PALLD: variants seen among roughly 807,000 people sequenced by gnomAD.
The protein encoded by PALLD is palladin.
A neutral mutation model predicts 123.5 loss-of-function variants in PALLD; 61 were observed. The ratio of observed to expected loss-of-function variants is 0.49; its 90% CI spans 0.40 to 0.61. The LOEUF is 0.61. Ranked by LOEUF, PALLD falls within the 20% of genes least tolerant of loss-of-function variation. The pLI is 0.00. For synonymous variants in PALLD, 465 were observed against 496.4 expected (o/e 0.94, Z 0.84); for missense variants, 1,273 against 1,377.0 (o/e 0.92, Z 1.20).
chr4:168,726,921 A>G (rs1206578601), intron 10 of PALLD, among the ~76,000 whole-genome samples: 1 of 151,916 alleles, frequency 6.6e-6, no homozygotes, highest in East Asian at 1.9e-4. Context: ...TGTCATTTCT[A>G]CGTTTATGTC....
chr4:168,513,975 G>A (rs1412382537), intron 2 of PALLD, among the ~76,000 whole-genome samples: 4 of 151,974 alleles, frequency 2.6e-5, no homozygotes, highest in Admixed American at 1.3e-4. Flanking sequence ...GCATGGAGGC[G>A]AGTGCCTGTA....
chr4:168,800,151 A>G (rs1341407762), intron 10 of PALLD, among the ~76,000 whole-genome samples: 1 of 152,190 alleles, frequency 6.6e-6, no homozygotes, highest in Non-Finnish European at 1.5e-5. Context: ...GCTAACTTTT[A>G]TGCTTCTGTT....
chr4:168,849,614 C>T (rs529957060), intron 10 of PALLD, among the ~76,000 whole-genome samples: 1 of 152,306 alleles, frequency 6.6e-6, no homozygotes, highest in African/African-American at 2.4e-5. Flanking sequence ...TTAATATTCA[C>T]GTTTTATCAT....
intron 2 of PALLD, among the ~76,000 whole-genome samples, chr4:168,622,851 G>A (rs771354622): frequency 1.3e-5 from 2 of 152,204 alleles, no homozygotes; most frequent in African/African-American, 2.4e-5. Context: ...CCAGTCACCC[G>A]TGCCTTGGGG....
intron 2 of PALLD, among the ~76,000 whole-genome samples, chr4:168,644,400 T>C (rs1402093345): frequency 6.6e-6 from 1 of 152,176 alleles, no homozygotes; most frequent in South Asian, 2.1e-4. Context: ...GATGTTGATA[T>C]CTTTCAAACA....
intron 10 of PALLD, among the ~76,000 whole-genome samples, chr4:168,816,393 A>G (rs945753726): frequency 8.1e-4 from 113 of 138,868 alleles, no homozygotes; most frequent in African/African-American, 2.9e-3. Flanking sequence ...ATGTGTGTAT[A>G]TATATATATA....
At chr4:168,553,192 T>C (rs1766923654) in intron 2 of PALLD, among the ~76,000 whole-genome samples, 1 of 152,104 alleles carries the variant, frequency 6.6e-6, no homozygotes, top group South Asian at 2.1e-4. Context: ...CCCATCTAAT[T>C]GAAAACCTAT....
chr4:168,916,703 A>G (rs1760185322), intron 17 of PALLD, among the ~76,000 whole-genome samples: 1 of 127,000 alleles, frequency 7.9e-6, no homozygotes, highest in African/African-American at 2.9e-5. Flanking sequence ...TTTTTTTGAG[A>G]CAGAGTCTCA....
intron 15 of PALLD, among the ~76,000 whole-genome samples, chr4:168,912,921 T>C (rs35509502): frequency 1.3e-5 from 2 of 152,130 alleles, no homozygotes; most frequent in Non-Finnish European, 2.9e-5. Flanking sequence ...GAACAAAATA[T>C]AGGTTTTTTT....
Position 168,511,999 on chromosome 4 carries a change from G to C in PALLD, c.495G>C (p.Gln165His), listed in dbSNP as rs759164741. ...KTPHQRKGGP[Q>H]SQLCDKAANL... ...CACATCAAAGAAAGGGTGGCCCCCAGAGCCAGCTGTGTGACAAGGCAGCTA... is the reference window on the plus strand; with the variant it reads ...CACATCAAAGAAAGGGTGGCCCCCACAGCCAGCTGTGTGACAAGGCAGCTA... Residue 165 changes from glutamine (Q) to histidine (H), a missense_variant, in exon 2 of 22, where the codon CAG (glutamine) becomes CAC (histidine). This residue lies in a region of PALLD where 944 missense variants were observed against 954.5 expected (regional missense o/e 0.99). Transcript: ENST00000505667. The C allele has an allele frequency of 1.2e-6, 2 of 1,614,086 alleles. No individual in the cohort carries two copies. Among genetic ancestry groups the C allele is most frequent in the African/African-American group, 1.3e-5 (1 of 74,926 alleles).
chr4:168,650,707 A>G (rs956344474), intron 2 of PALLD, among the ~76,000 whole-genome samples: 3 of 152,048 alleles, frequency 2.0e-5, no homozygotes. Context: ...CAATATTATG[A>G]GTTTTGGCTT....
chr4:168,672,648 T>C (rs1167721731), intron 3 of PALLD, among the ~76,000 whole-genome samples: 2 of 152,010 alleles, frequency 1.3e-5, no homozygotes, highest in Non-Finnish European at 2.9e-5. Flanking sequence ...TTAGTAGAGA[T>C]GGGGTTTCGC....
At chr4:168,613,972 T>A (rs1253376476) in intron 2 of PALLD, among the ~76,000 whole-genome samples, 2 of 152,216 alleles carry the variant, frequency 1.3e-5, no homozygotes, top group Non-Finnish European at 2.9e-5. Context: ...GTTATTCTTC[T>A]GGTTTGTAGC....
rs868334479 is a variant in PALLD at position 168,711,720 on chromosome 4, G to A, written c.1761G>A (p.Val587=). 6.2e-7 allele frequency: 1 copy of A among 1,614,142 alleles called. No individual in the cohort carries two copies. Among genetic ancestry groups the A allele is most frequent in the South Asian group, 1.1e-5 (1 of 91,062 alleles). The change falls in exon 10 of 22, where the codon GTG becomes GTA. Residue 587 remains valine (V), a synonymous_variant. Coordinates refer to ENST00000505667, the MANE Select transcript of PALLD (RefSeq NM_001166108.2). ...ASKKPSEIQQ[V]NNPELGLSRA... Reference sequence around the variant, plus strand: ...AGAAACCATCTGAGATCCAGCAGGTGAACAACCCTGAGTTAGGCCTGAGCA... The same window carrying A: ...AGAAACCATCTGAGATCCAGCAGGTAAACAACCCTGAGTTAGGCCTGAGCA...
chr4:168,637,939 A>C (rs941491922), intron 2 of PALLD, among the ~76,000 whole-genome samples: 14 of 106,678 alleles, frequency 1.3e-4, no homozygotes, highest in Non-Finnish European at 1.3e-4. Flanking sequence ...GGGAGAATAC[A>C]TCTCAAAAAA....
intron 2 of PALLD, among the ~76,000 whole-genome samples, chr4:168,560,071 C>A (rs1767714900): frequency 6.6e-6 from 1 of 152,128 alleles, no homozygotes; most frequent in African/African-American, 2.4e-5. Flanking sequence ...AAGGTACCCT[C>A]AATATATGCT....
chr4:168,609,184 G>C (rs1000425225), intron 2 of PALLD, among the ~76,000 whole-genome samples: 1 of 151,876 alleles, frequency 6.6e-6, no homozygotes, highest in African/African-American at 2.4e-5. Context: ...AGCCCAATTT[G>C]CAGTGGCTTA....
chr4:168,585,187 A>T (rs1320800207), intron 2 of PALLD, among the ~76,000 whole-genome samples: 1 of 152,220 alleles, frequency 6.6e-6, no homozygotes, highest in East Asian at 1.9e-4. Flanking sequence ...ATAGTTTCAA[A>T]ATTTTATGAC....
At chr4:168,625,891 A>G (rs1007605126) in intron 2 of PALLD, among the ~76,000 whole-genome samples, 3 of 152,158 alleles carry the variant, frequency 2.0e-5, no homozygotes, top group African/African-American at 7.2e-5. Flanking sequence ...TGAAAGCAGG[A>G]TCTCAAAAAG....
Sources: gnomAD v4.1 joint callset for allele counts (sites outside exome capture counted in the v4.1 genomes callset) on GRCh38, gnomAD v4.1.1 for gene constraint, gnomAD v4.1.1 regional missense constraint, MANE v1.5 for transcripts, NCBI Gene and HGNC (gene_info 2026-07-23, HGNC 2026-07-21) for gene names.